RAI1: variants seen among roughly 807,000 people sequenced by gnomAD.
RAI1 encodes the protein retinoic acid-induced protein 1.
Under a neutral mutation model 123.8 loss-of-function variants are expected in RAI1, and 9 were observed. That is an observed-to-expected ratio of 0.07 (90% CI 0.04 to 0.13). The LOEUF is 0.13. RAI1 is among the 10% of genes least tolerant of loss of function. RAI1 has a pLI of 1.00. For synonymous variants in RAI1, 1,231 were observed against 1,127.3 expected, an observed-to-expected ratio of 1.09 and a Z score of -1.84; for missense variants, 2,256 against 2,545.8, an observed-to-expected ratio of 0.89 and a Z score of 2.45.
rs986659036 is a variant in RAI1 at position 17,799,900 on chromosome 17, G to A, written c.5565+1387G>A. Among the ~76,000 whole-genome samples, 1 of 152,180 alleles carries A rather than the reference G, an allele frequency of 6.6e-6. No homozygotes were observed. The highest frequency in any genetic ancestry group is 1.5e-5 in the Non-Finnish European group (1 of 68,044). ...ATTGCCTGGCCAAACCAAGGTCCCG[G>A]TGGGGGCCCACTGTGTTTGCCACCC... On this transcript the variant is annotated intron_variant, in intron 3 of 5. Transcript: ENST00000353383. This position sits in a 1 kb window ranked among gnomAD's most constrained non-coding sequence, Gnocchi z 4.5.
chr17:17,743,720 G>A (rs1033846427), intron 2 of RAI1, among the ~76,000 whole-genome samples: 1 of 152,256 alleles, frequency 6.6e-6, no homozygotes, highest in African/African-American at 2.4e-5. Flanking sequence ...GCACATGCAC[G>A]GCTCCCGTCC....
chr17:17,735,522 T>C (rs1379178188), intron 2 of RAI1, among the ~76,000 whole-genome samples: 2 of 150,100 alleles, frequency 1.3e-5, no homozygotes, highest in Non-Finnish European at 3.0e-5. Flanking sequence ...CCCGGCTGAT[T>C]TTTTTTGTAT....
Position 17,811,191 on chromosome 17 carries a change from TA to T in RAI1, c.*1214del. 1 of 323,844 alleles carries T rather than the reference TA, an allele frequency of 3.1e-6. No individual in the cohort carries two copies. The highest frequency in any genetic ancestry group is 6.0e-6 in the Non-Finnish European group (1 of 165,690). 20.1% of individuals were successfully genotyped at this position (323,844 alleles called of 1,614,324 possible). A position where few individuals can be genotyped will look rare whatever the true frequency, so the allele number is the denominator to read the frequency against. On this transcript the variant is annotated 3_prime_UTR_variant, in exon 6 of 6. Transcript: ENST00000353383. ...TAGCAACTTCCTGTACATATGACTGTAAAATGGTAAACGTGTGTATTATATC... is the reference window on the plus strand; with the variant it reads ...TAGCAACTTCCTGTACATATGACTGTAAATGGTAAACGTGTGTATTATATC...
At chr17:17,723,669 C>T (rs568859755) in intron 1 of RAI1, among the ~76,000 whole-genome samples, 2 of 148,502 alleles carry the variant, frequency 1.3e-5, no homozygotes, top group South Asian at 4.3e-4. Flanking sequence ...ATCTCTCGCC[C>T]CCCCGCCCGC....
chr17:17,784,487 C>T (rs1304529828), intron 2 of RAI1, among the ~76,000 whole-genome samples: 1 of 152,250 alleles, frequency 6.6e-6, no homozygotes, highest in Non-Finnish European at 1.5e-5. Flanking sequence ...GCACAAGCCA[C>T]TGGCCCACTC....
At chr17:17,744,738 C>T (rs768054903) in intron 2 of RAI1, among the ~76,000 whole-genome samples, 6 of 138,086 alleles carry the variant, frequency 4.3e-5, no homozygotes, top group African/African-American at 1.4e-4. Context: ...TGCAGTGAGC[C>T]GAGATTGTGC....
chr17:17,798,542 A>AGT (rs780770133), intron 3 of RAI1, 29 bp downstream of exon 3: 1 of 1,596,972 alleles, frequency 6.3e-7, no homozygotes, highest in East Asian at 2.2e-5. Flanking sequence ...CAGGGTGGGG[A>AGT]GTGTGGGGTT....
intron 1 of RAI1, among the ~76,000 whole-genome samples, chr17:17,719,451 C>T (rs1452335541): frequency 1.3e-5 from 2 of 152,230 alleles, no homozygotes; most frequent in East Asian, 1.9e-4. Flanking sequence ...CAGACAGCTG[C>T]ATGCCTCACT....
intron 4 of RAI1, among the ~76,000 whole-genome samples, chr17:17,804,905 C>G (rs962230377): frequency 2.0e-5 from 3 of 151,782 alleles, no homozygotes; most frequent in African/African-American, 4.8e-5. Flanking sequence ...ACTCTGTCAC[C>G]AGGCTGGAGT....
chr17:17,747,537 G>A (rs912208982), intron 2 of RAI1, among the ~76,000 whole-genome samples: 7 of 152,128 alleles, frequency 4.6e-5, no homozygotes, highest in Admixed American at 3.3e-4. Context: ...GGCTGAGAAC[G>A]AATTCTAGGG....
Position 17,798,423 on chromosome 17 carries a change from T to C in RAI1, c.5475T>C (p.His1825=), listed in dbSNP as rs1359968667. The change falls in exon 3 of 6, where the codon CAT becomes CAC. Residue 1825 remains histidine (H), a synonymous_variant. Coordinates refer to ENST00000353383, the MANE Select transcript of RAI1 (RefSeq NM_030665.4). The part of the protein sequence containing the change: ...PGGEAQEHWV[H]EACAVWTGGV... ...GGGAGGCCCAGGAGCACTGGGTGCA[T>C]GAGGCCTGTGCCGTGTGGACCGGCG... 6.2e-7 allele frequency: 1 copy of C among 1,610,514 alleles called. No homozygotes were observed. Among genetic ancestry groups the C allele is most frequent in the African/African-American group, 1.3e-5 (1 of 74,912 alleles).
intron 1 of RAI1, among the ~76,000 whole-genome samples, chr17:17,695,957 C>T (rs774771083): frequency 4.5e-4 from 69 of 152,292 alleles, no homozygotes; most frequent in Non-Finnish European, 7.9e-4. Flanking sequence ...GCTGTCCTCG[C>T]GCCTTTCTCC....
intron 1 of RAI1, among the ~76,000 whole-genome samples, chr17:17,686,672 T>A (rs1347566054): frequency 9.7e-6 from 1 of 103,606 alleles, no homozygotes; most frequent in Non-Finnish European, 2.0e-5. Context: ...AGAGGTGGAG[T>A]GGGGGTGGAG....
At chr17:17,785,689 G>T (rs572707085) in intron 2 of RAI1, among the ~76,000 whole-genome samples, 3 of 152,210 alleles carry the variant, frequency 2.0e-5, no homozygotes, top group East Asian at 3.9e-4. Flanking sequence ...TTCCAAGGCC[G>T]CTGAGTGCAC....
chr17:17,734,502 A>C (rs1416415049), intron 2 of RAI1, among the ~76,000 whole-genome samples: 2 of 152,174 alleles, frequency 1.3e-5, no homozygotes, highest in African/African-American at 4.8e-5. Context: ...GGCTGATTCT[A>C]AATTGGGAGG....
At chr17:17,747,129 T>C (rs1348985201) in intron 2 of RAI1, among the ~76,000 whole-genome samples, 4 of 151,962 alleles carry the variant, frequency 2.6e-5, no homozygotes, top group African/African-American at 9.7e-5. Context: ...GGCCTCAAGC[T>C]GACAGCCTTC....
At chr17:17,778,722 C>A (rs951330331) in intron 2 of RAI1, 1 of 456,624 alleles carries the variant, frequency 2.2e-6, no homozygotes, top group Admixed American at 2.3e-5. Flanking sequence ...GAGCAGAGGC[C>A]TGCGATTCTC....
intron 1 of RAI1, among the ~76,000 whole-genome samples, chr17:17,707,681 C>T (rs1440198297): frequency 6.6e-6 from 1 of 152,174 alleles, no homozygotes; most frequent in Non-Finnish European, 1.5e-5. Context: ...CAACCTCCAC[C>T]TCCCAGGCTC....
chr17:17,759,237 G>A (rs1032199604), intron 2 of RAI1: 27 of 152,226 alleles, frequency 1.8e-4, no homozygotes, highest in African/African-American at 6.5e-4. Context: ...TAGAGAAGAA[G>A]AAGCGGGCAG....
Sources: gnomAD v4.1 joint callset for allele counts (sites outside exome capture counted in the v4.1 genomes callset) on GRCh38, gnomAD v4.1.1 for gene constraint, Gnocchi (gnomAD v3.1) non-coding constraint, MANE v1.5 for transcripts, NCBI Gene and HGNC (gene_info 2026-07-23, HGNC 2026-07-21) for gene names.